HOOK3: variants seen among roughly 807,000 people sequenced by gnomAD.
The protein encoded by HOOK3 is hook microtubule tethering protein 3, also known as protein Hook homolog 3.
A neutral mutation model predicts 116.3 loss-of-function variants in HOOK3; 24 were observed. The observed-to-expected ratio is 0.21, with a 90% CI of 0.15 to 0.29. The LOEUF (loss-of-function observed/expected upper bound fraction) is 0.29, where lower values mean the gene tolerates loss of function less well. Among genes scored for constraint, HOOK3 ranks in the 10% least tolerant of loss-of-function variants. The pLI, the probability that HOOK3 is intolerant of heterozygous loss-of-function variation, is 1.00. For missense variants in HOOK3, 632 were observed against 830.2 expected (o/e 0.76, Z 2.93); for synonymous variants, 275 against 283.0 (o/e 0.97, Z 0.28).
At chr8:43,009,631 A>G (rs1391559455) in intron 18 of HOOK3, among the ~76,000 whole-genome samples, 2 of 152,258 alleles carry the variant, frequency 1.3e-5, no homozygotes, top group South Asian at 4.1e-4. Flanking sequence ...TAATAAAGAG[A>G]TAAGAGGTGA....
chr8:42,928,096 A>G (rs1038923474), intron 3 of HOOK3, among the ~76,000 whole-genome samples: 1 of 152,198 alleles, frequency 6.6e-6, no homozygotes, highest in Non-Finnish European at 1.5e-5. Context: ...CCTGGCCAAC[A>G]TGGTGAAACC....
intron 2 of HOOK3, among the ~76,000 whole-genome samples, chr8:42,909,818 A>C (rs917419782): frequency 1.3e-5 from 2 of 152,130 alleles, no homozygotes; most frequent in African/African-American, 4.8e-5. Context: ...CCTGAAGGAC[A>C]TTGTGCTAAG....
At chr8:42,966,421 A>G in intron 9 of HOOK3, 52 bp from the exon 10 acceptor site, 2 of 1,586,754 alleles carry the variant, frequency 1.3e-6, no homozygotes, top group Non-Finnish European at 8.6e-7. Context: ...TTCTAAGGAG[A>G]ATGAGGAGGC....
chr8:43,006,970 T>A (rs1461755608), intron 17 of HOOK3, among the ~76,000 whole-genome samples: 3 of 151,704 alleles, frequency 2.0e-5, no homozygotes, highest in Non-Finnish European at 2.9e-5. Flanking sequence ...TTTAAATACC[T>A]TTATATTGGA....
chr8:42,916,350 G>A (rs550756864), intron 2 of HOOK3, among the ~76,000 whole-genome samples: 13 of 152,174 alleles, frequency 8.5e-5, no homozygotes, highest in African/African-American at 2.2e-4. Context: ...GTTGTTTTCC[G>A]TCAACATTTT....
At chr8:42,943,289 T>C in intron 4 of HOOK3, 24 bp from the exon 5 acceptor site, 1 of 1,406,958 alleles carries the variant, frequency 7.1e-7, no homozygotes, top group South Asian at 1.7e-5. Context: ...TAAATGCAAT[T>C]ATAATCCTTT....
At chr8:42,899,316 T>C (rs531634954) in intron 1 of HOOK3, among the ~76,000 whole-genome samples, 31 of 152,326 alleles carry the variant, frequency 2.0e-4, no homozygotes, top group Admixed American at 5.2e-4. Flanking sequence ...TATTGTAGAA[T>C]AGGCTTTTTG....
At position 42,900,108 on chromosome 8, in the gene HOOK3, C is replaced by T. The variant is rs989531430; in HGVS notation, c.57+2920C>T. On this transcript the variant is annotated intron_variant, in intron 1 of 21. Coordinates refer to ENST00000307602, the MANE Select transcript of HOOK3 (RefSeq NM_032410.4). Reference sequence around the variant, plus strand: ...ATCAGACAGCCTACTAGCCCAAGAACCATATGTTCCAAATTTTTTCGAAAG... The same window carrying T: ...ATCAGACAGCCTACTAGCCCAAGAATCATATGTTCCAAATTTTTTCGAAAG... Among the ~76,000 whole-genome samples the T allele has an allele frequency of 2.6e-5, 4 of 152,146 alleles. No homozygotes were observed. In the East Asian group the frequency reaches 5.8e-4, roughly 22 times the overall value.
At chr8:42,931,542 C>T (rs1415460213) in intron 4 of HOOK3, among the ~76,000 whole-genome samples, 1 of 150,978 alleles carries the variant, frequency 6.6e-6, no homozygotes, top group Non-Finnish European at 1.5e-5. Flanking sequence ...TGCCATTCTC[C>T]TGCCTCAGCC....
chr8:42,944,820 GAAAAA>G (rs1003713206), intron 5 of HOOK3, among the ~76,000 whole-genome samples: 1 of 148,554 alleles, frequency 6.7e-6, no homozygotes, highest in Non-Finnish European at 1.5e-5. Context: ...CTTTTTCTCA[GAAAAA>G]AAAAATAATA....
intron 5 of HOOK3, among the ~76,000 whole-genome samples, chr8:42,945,821 T>G (rs1040363624): frequency 3.3e-5 from 5 of 152,182 alleles, no homozygotes; most frequent in African/African-American, 1.2e-4. Flanking sequence ...CAGCTTTTGT[T>G]AGTTAAGTGT....
chr8:42,913,368 A>G (rs1000460011), intron 2 of HOOK3, among the ~76,000 whole-genome samples: 4 of 152,220 alleles, frequency 2.6e-5, no homozygotes, highest in African/African-American at 9.7e-5. Flanking sequence ...TAAATTTTAT[A>G]TAAATGGACT....
intron 1 of HOOK3, among the ~76,000 whole-genome samples, chr8:42,898,763 G>T (rs1807118817): frequency 6.6e-6 from 1 of 152,172 alleles, no homozygotes; most frequent in Admixed American, 6.5e-5. Flanking sequence ...TTGCGATGGG[G>T]TTACATCCCG....
chr8:42,929,799 A>G (rs1360053482), intron 3 of HOOK3, among the ~76,000 whole-genome samples: 1 of 152,152 alleles, frequency 6.6e-6, no homozygotes, highest in Non-Finnish European at 1.5e-5. Flanking sequence ...TAAGGATGGC[A>G]TATTTTTACT....
chr8:42,905,398 C>T (rs1164880583), intron 1 of HOOK3, among the ~76,000 whole-genome samples: 2 of 149,704 alleles, frequency 1.3e-5, no homozygotes, highest in African/African-American at 5.0e-5. Flanking sequence ...CTGCATTGGC[C>T]TAATCTTAAG....
intron 2 of HOOK3, 106 bp from the exon 3 acceptor site, chr8:42,925,451 C>T (rs1033848322): frequency 4.8e-5 from 35 of 730,888 alleles, no homozygotes; most frequent in Non-Finnish European, 7.0e-5. Flanking sequence ...GTGTCAAATA[C>T]ATTTTTATGT....
intron 4 of HOOK3, among the ~76,000 whole-genome samples, chr8:42,930,380 T>C (rs1389337050): frequency 6.6e-6 from 1 of 152,228 alleles, no homozygotes; most frequent in Non-Finnish European, 1.5e-5. Context: ...TATAGGTAGT[T>C]TGTAGATGAT....
Position 42,922,193 on chromosome 8 carries a change from A to C in HOOK3, c.144-3364A>C, listed in dbSNP as rs76407475. Among the ~76,000 whole-genome samples the C allele has an allele frequency of 5.4e-3, 815 of 152,300 alleles. 13 individuals are homozygous for C. Among genetic ancestry groups the C allele is most frequent in the African/African-American group, 0.019 (776 of 41,564 alleles). On this transcript the variant is annotated intron_variant, in intron 2 of 21. Transcript: ENST00000307602. Reference sequence around the variant, plus strand: ...TCTTCATGACTCTCGATTAGGCAGGAGCTTCTTAGATATGACACAGAAAGT... The same window carrying C: ...TCTTCATGACTCTCGATTAGGCAGGCGCTTCTTAGATATGACACAGAAAGT...
rs567302121 is a variant in HOOK3, at chr8:43,023,818, T to A, written c.*5320T>A. The A allele has an allele frequency of 5.8e-4, 118 of 204,144 alleles. No individual in the cohort carries two copies. The highest frequency in any genetic ancestry group is 2.5e-3 in the African/African-American group (111 of 43,830). 12.6% of individuals were successfully genotyped at this position (204,144 alleles called of 1,614,324 possible). ...TATTCTCGTTTGCTAAGTAATTGTT[T>A]GAAATATTTTTCAGCCTCTCCTGCT... On this transcript the variant is annotated 3_prime_UTR_variant, in exon 22 of 22. Coordinates refer to ENST00000307602, the MANE Select transcript of HOOK3 (RefSeq NM_032410.4).
Sources: gnomAD v4.1 joint callset for allele counts (sites outside exome capture counted in the v4.1 genomes callset) on GRCh38, gnomAD v4.1.1 for gene constraint, MANE v1.5 for transcripts, NCBI Gene and HGNC (gene_info 2026-07-23, HGNC 2026-07-21) for gene names.